SEC62: variants seen among roughly 807,000 people sequenced by gnomAD.
SEC62 encodes the protein translocation protein SEC62.
Under a neutral mutation model 47.5 loss-of-function variants are expected in SEC62, and 10 were observed. The ratio of observed to expected loss-of-function variants is 0.21; its 90% CI spans 0.13 to 0.36. The LOEUF is 0.36. SEC62 is among the 10% of genes least tolerant of loss of function. SEC62 has a pLI of 1.00. For missense variants in SEC62, 327 were observed against 464.1 expected, an observed-to-expected ratio of 0.70 and a Z score of 2.71; for synonymous variants, 136 against 150.5, an observed-to-expected ratio of 0.90 and a Z score of 0.71.
intron 3 of SEC62, among the ~76,000 whole-genome samples, chr3:169,979,544 C>G (rs1714922807): frequency 6.6e-6 from 1 of 152,188 alleles, no homozygotes; most frequent in Non-Finnish European, 1.5e-5. Flanking sequence ...CGTCCTCAGT[C>G]TTGTGCACAT....
intron 3 of SEC62, 189 bp from the exon 4 acceptor site, chr3:169,982,518 T>C (rs1714999672): frequency 1.7e-6 from 1 of 600,066 alleles, no homozygotes; most frequent in Non-Finnish European, 3.1e-6. Flanking sequence ...ACAACTTTTA[T>C]ATAATTGACT....
Position 169,982,858 on chromosome 3 carries a change from A to T in SEC62, c.403A>T (p.Thr135Ser), listed in dbSNP as rs1468436130. The stretch of plus-strand genomic sequence containing the variant: ...GAAAGAAAATATAAAGGATGAGAAG[A>T]CAAAAAAAGAAAAAGAGAAAAAAAA... ...SKKENIKDEKTKKEKEKKKDG... is the reference protein window; with the variant it reads ...SKKENIKDEKSKKEKEKKKDG... Residue 135 changes from threonine to serine, a missense_variant, in exon 4 of 8, where the codon ACA becomes TCA. Around this residue, in one of 3 missense-constraint regions of SEC62, gnomAD observed 126 missense variants for 161.2 expected, o/e 0.78. Transcript: ENST00000337002. 6.4e-7 allele frequency: 1 copy of T among 1,564,776 alleles called. No individual in the cohort carries two copies. Among genetic ancestry groups the T allele is most frequent in the Non-Finnish European group, 8.6e-7 (1 of 1,164,384 alleles).
At chr3:169,990,031 C>A (rs1387866142) in intron 7 of SEC62, among the ~76,000 whole-genome samples, 2 of 146,182 alleles carry the variant, frequency 1.4e-5, no homozygotes. Flanking sequence ...TCATATATAT[C>A]ATATAATATA....
chr3:169,993,879 C>T lies in SEC62; in HGVS notation c.*816C>T, dbSNP rs1715309566. ...ACACTTAAATTCATAAAATTAAGAC[C>T]ATGTAAGGGTATGTTTTTAGAGAAA... On this transcript the variant is annotated 3_prime_UTR_variant, in exon 8 of 8. Coordinates refer to ENST00000337002, the MANE Select transcript of SEC62 (RefSeq NM_003262.4). 1.3e-5 allele frequency: 2 copies of T among 152,340 alleles called. No individual in the cohort carries two copies. The highest frequency in any genetic ancestry group is 4.2e-4 in the South Asian group (2 of 4,810). 9.4% of individuals were successfully genotyped at this position (152,340 alleles called of 1,614,324 possible).
chr3:169,994,320 T>C lies in SEC62; in HGVS notation c.*1257T>C, dbSNP rs952631301. On this transcript the variant is annotated 3_prime_UTR_variant, in exon 8 of 8. Coordinates refer to ENST00000337002, the MANE Select transcript of SEC62 (RefSeq NM_003262.4). ...TGGAGTTATACTAACTAATAATGAATATTAAATGATTTTTCTTCAGTCACA... is the reference window on the plus strand; with the variant it reads ...TGGAGTTATACTAACTAATAATGAACATTAAATGATTTTTCTTCAGTCACA... 1 of 152,646 alleles carries C rather than the reference T, an allele frequency of 6.6e-6. No individual in the cohort carries two copies. The highest frequency in any genetic ancestry group is 1.5e-5 in the Non-Finnish European group (1 of 68,010). 9.5% of individuals were successfully genotyped at this position (152,646 alleles called of 1,614,324 possible). A position where few individuals can be genotyped will look rare whatever the true frequency, so the allele number is the denominator to read the frequency against.
At chr3:169,968,757 TA>T (rs1265902555) in intron 1 of SEC62, among the ~76,000 whole-genome samples, 2 of 152,216 alleles carry the variant, frequency 1.3e-5, no homozygotes, top group South Asian at 2.1e-4. Flanking sequence ...CTCTATTCAG[TA>T]AACTATTAGG....
At chr3:169,978,078 G>C (rs1379743288) in intron 3 of SEC62, among the ~76,000 whole-genome samples, 1 of 152,148 alleles carries the variant, frequency 6.6e-6, no homozygotes, top group Non-Finnish European at 1.5e-5. Context: ...AGGAGATCGA[G>C]ACCATTCTGG....
intron 1 of SEC62, among the ~76,000 whole-genome samples, chr3:169,971,739 TA>T (rs147879485): frequency 1.4e-3 from 206 of 152,354 alleles, no homozygotes; most frequent in African/African-American, 4.8e-3. Flanking sequence ...CTCAATTTTT[TA>T]TGTACCCTAA....
chr3:169,977,415 G>A (rs915061330), intron 3 of SEC62, among the ~76,000 whole-genome samples: 2 of 151,984 alleles, frequency 1.3e-5, no homozygotes, highest in East Asian at 3.9e-4. Flanking sequence ...CTGTGTTACC[G>A]CTACTTTTTT....
At position 169,993,039 on chromosome 3, in the gene SEC62, T is replaced by G. The variant is rs567303275; in HGVS notation, c.1176T>G (p.Pro392=). ...DEEEENDGET[P]KSSHEKS ...AAGAGGAAAATGATGGAGAAACACC[T>G]AAATCTTCACATGAAAAATCATAAT... Residue 392 remains proline, a synonymous_variant, in exon 8 of 8, where the codon CCT becomes CCG. Coordinates refer to ENST00000337002, the MANE Select transcript of SEC62 (RefSeq NM_003262.4). 6.2e-7 allele frequency: 1 copy of G among 1,604,694 alleles called. No individual in the cohort carries two copies. Among genetic ancestry groups the G allele is most frequent in the Non-Finnish European group, 8.5e-7 (1 of 1,176,054 alleles).
At chr3:169,985,646 A>G in intron 5 of SEC62, 159 bp from the exon 6 acceptor site, 1 of 500,394 alleles carries the variant, frequency 2.0e-6, no homozygotes, top group Admixed American at 3.9e-5. Context: ...AACCACTACT[A>G]CTGAAGGAAA....
rs967279384 is a variant in SEC62 at position 169,996,820 on chromosome 3, C to T, written c.*3757C>T. ...TGCTACTAGCCTGGAGTTGCAGAAG[C>T]TACTGTGCTTCCTCTTTGGGTAGCC... On this transcript the variant is annotated 3_prime_UTR_variant, in exon 8 of 8. Coordinates refer to ENST00000337002, the MANE Select transcript of SEC62 (RefSeq NM_003262.4). 34 of 152,252 alleles carry T rather than the reference C, an allele frequency of 2.2e-4. No homozygotes were observed. The highest frequency in any genetic ancestry group is 8.0e-4 in the African/African-American group (33 of 41,440). 9.4% of individuals were successfully genotyped at this position (152,252 alleles called of 1,614,324 possible).
At chr3:169,974,778 C>T (rs1368605027) in intron 1 of SEC62, among the ~76,000 whole-genome samples, 2 of 152,176 alleles carry the variant, frequency 1.3e-5, no homozygotes, top group African/African-American at 4.8e-5. Context: ...GTCATTGTGT[C>T]AGTAGTTCTT....
rs745859695 is a variant in SEC62 at position 169,992,493 on chromosome 3, T to C, written c.731-101T>C. On this transcript the variant is annotated intron_variant, in intron 7 of 7. Transcript: ENST00000337002. This position sits in a 1 kb window ranked among gnomAD's most constrained non-coding sequence, Gnocchi z 4.0. Reference sequence around the variant, plus strand: ...ATATTAATATTTAAGGTGTATGAAATGTGCAGATAATAAAACTGTTTTCCC... The same window carrying C: ...ATATTAATATTTAAGGTGTATGAAACGTGCAGATAATAAAACTGTTTTCCC... 1 of 765,118 alleles carries C rather than the reference T, an allele frequency of 1.3e-6. No individual in the cohort carries two copies. Among genetic ancestry groups the C allele is most frequent in the Non-Finnish European group, 2.1e-6 (1 of 466,450 alleles). The allele number at this position is 765,118 out of a possible 1,614,324, so 47.4% of individuals were successfully genotyped here.
intron 7 of SEC62, among the ~76,000 whole-genome samples, chr3:169,990,545 GT>G (rs1715226737): frequency 6.6e-6 from 1 of 151,632 alleles, no homozygotes; most frequent in Non-Finnish European, 1.5e-5. Flanking sequence ...AAGAAATTAG[GT>G]TAGTGCCATT....
At chr3:169,970,799 T>G (rs115210114) in intron 1 of SEC62, among the ~76,000 whole-genome samples, 1,650 of 152,324 alleles carry the variant, frequency 0.011, 26 homozygotes, top group African/African-American at 0.037. Flanking sequence ...ATTGATAGGT[T>G]GGTTTCTCTT....
chr3:169,995,192 T>A lies in SEC62; in HGVS notation c.*2129T>A, dbSNP rs1014634848. On this transcript the variant is annotated 3_prime_UTR_variant, in exon 8 of 8. Coordinates refer to ENST00000337002, the MANE Select transcript of SEC62 (RefSeq NM_003262.4). ...TTTATAATTGTTAATAGAATGGCGA[T>A]TTTTTTTTAAGAACTTCAGATTTGC... The A allele has an allele frequency of 1.3e-5, 2 of 151,594 alleles. No individual in the cohort carries two copies. Among genetic ancestry groups the A allele is most frequent in the African/African-American group, 2.4e-5 (1 of 41,302 alleles). The allele number at this position is 151,594 out of a possible 1,614,324, so 9.4% of individuals were successfully genotyped here. A position where few individuals can be genotyped will look rare whatever the true frequency, so the allele number is the denominator to read the frequency against.
chr3:169,982,777 A>G lies in SEC62; in HGVS notation c.322A>G (p.Lys108Glu), dbSNP rs771963028. The G allele has an allele frequency of 1.2e-6, 2 of 1,604,814 alleles. No individual in the cohort carries two copies. The highest frequency in any genetic ancestry group is 1.7e-6 in the Non-Finnish European group (2 of 1,174,826). The change falls in exon 4 of 8, where the codon AAA becomes GAA. Residue 108 changes from lysine (K) to glutamate (E), a missense_variant. Physicochemically the swap from Lys to Glu is moderately conservative, Grantham distance 56. Around this residue, in one of 3 missense-constraint regions of SEC62, gnomAD observed 126 missense variants for 161.2 expected, o/e 0.78. Coordinates refer to ENST00000337002, the MANE Select transcript of SEC62 (RefSeq NM_003262.4). ...MKMKYDKDIKKEKDKGKAESG... is the reference protein window; with the variant it reads ...MKMKYDKDIKEEKDKGKAESG... ...AATGAAATATGATAAAGACATAAAG[A>G]AAGAAAAAGATAAAGGAAAAGCTGA...
intron 1 of SEC62, among the ~76,000 whole-genome samples, chr3:169,974,002 C>T (rs1185712964): frequency 2.0e-5 from 3 of 152,190 alleles, no homozygotes; most frequent in Non-Finnish European, 2.9e-5. Context: ...AAAGCTGAAA[C>T]GTAGGTTTGT....
Sources: gnomAD v4.1 joint callset for allele counts (sites outside exome capture counted in the v4.1 genomes callset) on GRCh38, gnomAD v4.1.1 for gene constraint, gnomAD v4.1.1 regional missense constraint, Gnocchi (gnomAD v3.1) non-coding constraint, MANE v1.5 for transcripts, NCBI Gene and HGNC (gene_info 2026-07-23, HGNC 2026-07-21) for gene names.